RASAL2: variants seen among roughly 807,000 people sequenced by gnomAD.
RASAL2 encodes RAS protein activator like 2.
RASAL2 carries 58 observed loss-of-function variants against 128.9 expected under a neutral mutation model. That is an observed-to-expected ratio of 0.45 (90% CI 0.36 to 0.56). RASAL2 has a LOEUF of 0.56. Ranked by LOEUF, RASAL2 falls within the 20% of genes least tolerant of loss-of-function variation. The probability of loss-of-function intolerance (pLI) is 0.00; values close to 1 mark genes in which losing one functional copy is unlikely to be tolerated. For synonymous variants in RASAL2, 561 were observed against 580.8 expected (o/e 0.97, Z 0.49); for missense variants, 1,360 against 1,601.6 (o/e 0.85, Z 2.57).
chr1:178,290,739 G>C (rs980516601), intron 2 of RASAL2, among the ~76,000 whole-genome samples: 7 of 151,916 alleles, frequency 4.6e-5, no homozygotes, highest in Non-Finnish European at 8.8e-5. Context: ...GCGGTGGTGC[G>C]ATCTCGGCTC....
chr1:178,104,760 G>A (rs1659027786), intron 1 of RASAL2, among the ~76,000 whole-genome samples: 1 of 152,060 alleles, frequency 6.6e-6, no homozygotes, highest in South Asian at 2.1e-4. Flanking sequence ...ATGCCTTTAA[G>A]ACTGTCCTTC....
intron 3 of RASAL2, among the ~76,000 whole-genome samples, chr1:178,339,960 T>C (rs1669781755): frequency 6.6e-6 from 1 of 152,180 alleles, no homozygotes; most frequent in African/African-American, 2.4e-5. Flanking sequence ...GACCTTATAA[T>C]TCAAACATAA....
intron 1 of RASAL2, among the ~76,000 whole-genome samples, chr1:178,180,016 T>C (rs1251915599): frequency 1.3e-5 from 2 of 152,200 alleles, no homozygotes; most frequent in Admixed American, 1.3e-4. Context: ...ACATCTGGAA[T>C]GAAAGATCGT....
At chr1:178,460,626 G>T (rs1275564798) in intron 14 of RASAL2, among the ~76,000 whole-genome samples, 1 of 152,062 alleles carries the variant, frequency 6.6e-6, no homozygotes, top group Non-Finnish European at 1.5e-5. Flanking sequence ...GCATGAAGTG[G>T]GGTACAGGCA....
chr1:178,427,204 C>G (rs1244320896), intron 5 of RASAL2, among the ~76,000 whole-genome samples: 1 of 152,126 alleles, frequency 6.6e-6, no homozygotes, highest in Non-Finnish European at 1.5e-5. Context: ...CAAAAAGACT[C>G]TGTGATGTTT....
At chr1:178,411,461 G>T (rs1373708565) in intron 4 of RASAL2, among the ~76,000 whole-genome samples, 2 of 152,120 alleles carry the variant, frequency 1.3e-5, no homozygotes, top group African/African-American at 4.8e-5. Context: ...ACACTGCTCA[G>T]GTGATGGGTG....
At position 178,283,664 on chromosome 1, in the gene RASAL2, G is replaced by C. The variant is rs376848012; in HGVS notation, c.303G>C (p.Gln101His). 11 of 1,613,584 alleles carry C rather than the reference G, an allele frequency of 6.8e-6. No individual in the cohort carries two copies. The African/African-American group carries it at 1.3e-4, about 20-fold the overall frequency. ...ERKYCILTDS[Q>H]LVLLNKEKEI... Reference sequence around the variant, plus strand: ...AGTATTGCATCCTCACAGACAGCCAGTTGGTATTGCTCAACAAGGAGAAGG... The same window carrying C: ...AGTATTGCATCCTCACAGACAGCCACTTGGTATTGCTCAACAAGGAGAAGG... The change falls in exon 2 of 18, where the codon CAG (glutamine) becomes CAC (histidine). Residue 101 changes from glutamine to histidine, a missense_variant. Physicochemically the swap from Gln to His is conservative, Grantham distance 24. Around this residue, in one of 3 missense-constraint regions of RASAL2, gnomAD observed 617 missense variants for 714.2 expected, o/e 0.86. Transcript: ENST00000367649.
intron 1 of RASAL2, among the ~76,000 whole-genome samples, chr1:178,242,421 CATT>C (rs1664540723): frequency 8.6e-6 from 1 of 115,872 alleles, no homozygotes; most frequent in African/African-American, 3.3e-5. Flanking sequence ...TTTTATAATT[CATT>C]CTCTCTCTCT....
At chr1:178,261,751 C>T (rs1247083164) in intron 1 of RASAL2, among the ~76,000 whole-genome samples, 1 of 147,836 alleles carries the variant, frequency 6.8e-6, no homozygotes, top group Non-Finnish European at 1.5e-5. Flanking sequence ...CCCGTCTCTA[C>T]TAAAAATACA....
intron 9 of RASAL2, among the ~76,000 whole-genome samples, chr1:178,447,310 A>G (rs1677071773): frequency 6.6e-6 from 1 of 151,926 alleles, no homozygotes; most frequent in South Asian, 2.1e-4. Flanking sequence ...TGACAGAGAA[A>G]GACCTTGTCT....
At chr1:178,275,980 T>G (rs1666493126) in intron 1 of RASAL2, among the ~76,000 whole-genome samples, 1 of 152,224 alleles carries the variant, frequency 6.6e-6, no homozygotes, top group South Asian at 2.1e-4. Context: ...ATAGTAAATT[T>G]ATGGTAATGT....
chr1:178,349,622 A>C (rs1670354735), intron 3 of RASAL2, among the ~76,000 whole-genome samples: 1 of 151,950 alleles, frequency 6.6e-6, no homozygotes, highest in East Asian at 1.9e-4. Context: ...ACACTAATCT[A>C]GTCATACCTT....
intron 7 of RASAL2, among the ~76,000 whole-genome samples, chr1:178,442,464 A>G (rs552333128): frequency 1.3e-5 from 2 of 152,118 alleles, no homozygotes; most frequent in South Asian, 2.1e-4. Context: ...ACTATATATA[A>G]TATATATAAT....
intron 5 of RASAL2, among the ~76,000 whole-genome samples, chr1:178,430,696 C>T (rs1265681720): frequency 1.3e-5 from 2 of 152,134 alleles, no homozygotes; most frequent in East Asian, 3.9e-4. Context: ...ATTATCTACA[C>T]ATATCTTAAA....
At chr1:178,427,185 G>A (rs770907478) in intron 5 of RASAL2, among the ~76,000 whole-genome samples, 5 of 152,144 alleles carry the variant, frequency 3.3e-5, no homozygotes, top group Non-Finnish European at 7.4e-5. Flanking sequence ...ATAGGAGGGT[G>A]TTGGGACACA....
At chr1:178,249,225 G>A (rs889554259) in intron 1 of RASAL2, among the ~76,000 whole-genome samples, 1 of 151,926 alleles carries the variant, frequency 6.6e-6, no homozygotes, top group Non-Finnish European at 1.5e-5. Context: ...TTTCTTGGAG[G>A]CTTTGTTCGT....
intron 5 of RASAL2, among the ~76,000 whole-genome samples, chr1:178,422,181 A>C (rs1394280937): frequency 6.6e-6 from 1 of 151,880 alleles, no homozygotes; most frequent in Non-Finnish European, 1.5e-5. Flanking sequence ...TACCTTCTTT[A>C]TTTCAAACAA....
At chr1:178,298,717 A>G (rs916247271) in intron 2 of RASAL2, among the ~76,000 whole-genome samples, 7 of 152,222 alleles carry the variant, frequency 4.6e-5, no homozygotes, top group African/African-American at 1.7e-4. Flanking sequence ...CACACATATG[A>G]ACTCATTAGA....
chr1:178,416,237 A>C (rs1674746885), intron 4 of RASAL2, among the ~76,000 whole-genome samples: 1 of 152,098 alleles, frequency 6.6e-6, no homozygotes, highest in Non-Finnish European at 1.5e-5. Context: ...ATTTTTTAAA[A>C]AATTTAGTGG....
Sources: gnomAD v4.1 joint callset for allele counts (sites outside exome capture counted in the v4.1 genomes callset) on GRCh38, gnomAD v4.1.1 for gene constraint, gnomAD v4.1.1 regional missense constraint, MANE v1.5 for transcripts, NCBI Gene and HGNC (gene_info 2026-07-23, HGNC 2026-07-21) for gene names.